The following PLCL1 variants were observed in gnomAD, a reference collection of about 807,000 sequenced individuals.
The protein encoded by PLCL1 is phospholipase C like 1 (inactive), also known as inactive phospholipase C-like protein 1.
PLCL1 carries 41 observed loss-of-function variants against 84.4 expected under a neutral mutation model. The observed-to-expected ratio is 0.49, with a 90% CI of 0.38 to 0.63. The LOEUF (loss-of-function observed/expected upper bound fraction) is 0.63, where lower values mean the gene tolerates loss of function less well. Ranked by LOEUF, PLCL1 falls within the 30% of genes least tolerant of loss-of-function variation. The pLI is 0.00. For missense variants in PLCL1, 1,206 were observed against 1,367.8 expected (o/e 0.88, Z 1.87); for synonymous variants, 490 against 488.3 (o/e 1.00, Z -0.05).
chr2:197,980,629 A>C (rs1291569616), intron 1 of PLCL1, among the ~76,000 whole-genome samples: 5 of 152,184 alleles, frequency 3.3e-5, no homozygotes, highest in Admixed American at 3.3e-4. Context: ...TAATGTATTG[A>C]GCACCTTCTA....
At chr2:197,828,679 C>G (rs562964596) in intron 1 of PLCL1, among the ~76,000 whole-genome samples, 2 of 152,254 alleles carry the variant, frequency 1.3e-5, no homozygotes, top group East Asian at 3.9e-4. Flanking sequence ...AACTTGATTG[C>G]TGAGATCAAT....
In PLCL1 at chr2:198,084,748, G is replaced by A. The variant is rs1368093153; in HGVS notation, c.1231G>A (p.Ala411Thr). ...GCCATTATCTCACTACTATATCAAT[G>A]CCTCTCATAACACCTATCTAATAGA... ...TQPLSHYYINASHNTYLIEDQ... is the reference protein window; with the variant it reads ...TQPLSHYYINTSHNTYLIEDQ... Residue 411 changes from alanine to threonine, a missense_variant, in exon 2 of 6, where the codon GCC becomes ACC. Transcript: ENST00000428675. 1.2e-6 allele frequency: 2 copies of A among 1,614,102 alleles called. No homozygotes were observed. Among genetic ancestry groups the A allele is most frequent in the Non-Finnish European group, 8.5e-7 (1 of 1,179,994 alleles).
At chr2:198,062,136 G>GTGAA (rs1204212629) in intron 1 of PLCL1, among the ~76,000 whole-genome samples, 1 of 152,118 alleles carries the variant, frequency 6.6e-6, no homozygotes, top group African/African-American at 2.4e-5. Context: ...AGGAAATAAA[G>GTGAA]TGAAATTCAA....
At chr2:197,909,443 C>T (rs1021061746) in intron 1 of PLCL1, among the ~76,000 whole-genome samples, 1 of 152,158 alleles carries the variant, frequency 6.6e-6, no homozygotes, top group East Asian at 1.9e-4. Context: ...AGAACCTCCC[C>T]TAGGTGTTCT....
At chr2:197,980,474 C>CTTA (rs1292679006) in intron 1 of PLCL1, among the ~76,000 whole-genome samples, 2 of 152,192 alleles carry the variant, frequency 1.3e-5, no homozygotes, top group African/African-American at 2.4e-5. Flanking sequence ...AGGACACTCA[C>CTTA]TTATTAATTC....
chr2:197,955,545 C>G (rs1444550665), intron 1 of PLCL1, among the ~76,000 whole-genome samples: 4 of 151,338 alleles, frequency 2.6e-5, no homozygotes, highest in African/African-American at 9.7e-5. Context: ...CTTACTCCCC[C>G]ATCCCCCATC....
intron 5 of PLCL1, among the ~76,000 whole-genome samples, chr2:198,120,976 A>G (rs1693853853): frequency 6.6e-6 from 1 of 152,126 alleles, no homozygotes; most frequent in East Asian, 1.9e-4. Flanking sequence ...CTTCGCCAGC[A>G]TTTTTTATTG....
In PLCL1 at chr2:197,945,328, A is replaced by G. The variant is rs561983561; in HGVS notation, c.241-138430A>G. Among the ~76,000 whole-genome samples, 16 of 152,200 alleles carry G rather than the reference A, an allele frequency of 1.1e-4. No individual in the cohort carries two copies. The South Asian group carries it at 2.5e-3, about 24-fold the overall frequency. On this transcript the variant is annotated intron_variant, in intron 1 of 5. Transcript: ENST00000428675. ...TGGACCCTCATAGGTTCTTTATTAG[A>G]TATTCTAGCCAAATGCATTGAGCTC...
rs548424473 is a variant in PLCL1, at chr2:197,971,567, T to A, written c.241-112191T>A. On this transcript the variant is annotated intron_variant, in intron 1 of 5. Transcript: ENST00000428675. ...TGACACAGGGGAAGGGGAAGATAGA[T>A]ACTCTCATCAAAAGACCATAGAATT... 7.2e-5 allele frequency among the ~76,000 whole-genome samples: 11 copies of A among 152,270 alleles called. No homozygotes were observed. The East Asian group carries it at 2.1e-3, about 29-fold the overall frequency.
At chr2:197,993,128 G>C (rs748783744) in intron 1 of PLCL1, among the ~76,000 whole-genome samples, 1 of 152,076 alleles carries the variant, frequency 6.6e-6, no homozygotes, top group African/African-American at 2.4e-5. Flanking sequence ...ATTCCCATGG[G>C]TTCCAATTTC....
At chr2:197,934,986 C>G (rs988631708) in intron 1 of PLCL1, among the ~76,000 whole-genome samples, 12 of 152,062 alleles carry the variant, frequency 7.9e-5, no homozygotes, top group African/African-American at 2.7e-4. Flanking sequence ...TGAACAGACA[C>G]TTTTTCAAAA....
rs143280603 is a variant in PLCL1 at position 197,911,099 on chromosome 2, T to C, written c.240+105760T>C. Among the ~76,000 whole-genome samples, 7 of 152,288 alleles carry C rather than the reference T, an allele frequency of 4.6e-5. No individual in the cohort carries two copies. In the East Asian group the frequency reaches 1.2e-3, roughly 25 times the overall value. Reference sequence around the variant, plus strand: ...GTCATCTTTTAATAATACTTTAGTTTTGGGAGGCTGAGGCGGGCAGATCAC... The same window carrying C: ...GTCATCTTTTAATAATACTTTAGTTCTGGGAGGCTGAGGCGGGCAGATCAC... On this transcript the variant is annotated intron_variant, in intron 1 of 5. Transcript: ENST00000428675.
intron 1 of PLCL1, among the ~76,000 whole-genome samples, chr2:197,921,951 C>A (rs1311991185): frequency 6.7e-6 from 1 of 149,306 alleles, no homozygotes; most frequent in Non-Finnish European, 1.5e-5. Flanking sequence ...CCCTATCTAG[C>A]AGAATTCTAG....
chr2:198,041,136 T>G (rs903524174), intron 1 of PLCL1, among the ~76,000 whole-genome samples: 1 of 152,194 alleles, frequency 6.6e-6, no homozygotes, highest in Non-Finnish European at 1.5e-5. Flanking sequence ...ATAAATCACT[T>G]GACTGTTTTC....
chr2:197,895,234 C>G (rs947547459), intron 1 of PLCL1, among the ~76,000 whole-genome samples: 2 of 151,896 alleles, frequency 1.3e-5, no homozygotes, highest in Non-Finnish European at 2.9e-5. Flanking sequence ...TGACATCTCT[C>G]CCCATCCTCC....
chr2:197,919,556 A>G (rs1688666515), intron 1 of PLCL1, among the ~76,000 whole-genome samples: 1 of 152,176 alleles, frequency 6.6e-6, no homozygotes. Flanking sequence ...TTCTGCTCCA[A>G]AATATTTTGG....
At chr2:197,983,241 A>T (rs1690155496) in intron 1 of PLCL1, among the ~76,000 whole-genome samples, 2 of 26,140 alleles carry the variant, frequency 7.7e-5, no homozygotes, top group South Asian at 1.5e-3. Context: ...TTTTTTTTTG[A>T]GACAGGGTCT....
chr2:197,945,821 G>A (rs1689260667), intron 1 of PLCL1, among the ~76,000 whole-genome samples: 1 of 152,130 alleles, frequency 6.6e-6, no homozygotes, highest in African/African-American at 2.4e-5. Flanking sequence ...TATAGAACAA[G>A]TGATGACCAA....
intron 1 of PLCL1, among the ~76,000 whole-genome samples, chr2:197,898,765 C>T (rs558411591): frequency 3.9e-5 from 2 of 51,240 alleles, no homozygotes; most frequent in Admixed American, 1.6e-4. Context: ...ACCCTGTGTT[C>T]GAACCTGAAC....
Sources: allele counts gnomAD v4.1 joint callset (sites outside exome capture counted in the v4.1 genomes callset), GRCh38; gene constraint gnomAD v4.1.1; transcripts MANE v1.5; gene names NCBI Gene and HGNC (gene_info 2026-07-23, HGNC 2026-07-21).